Variants in MACROD2 observed in about 807,000 individuals in gnomAD.
MACROD2 encodes ADP-ribose glycohydrolase MACROD2.
In MACROD2, 36 loss-of-function variants were observed where a neutral mutation model predicts 70.4. The observed-to-expected ratio is 0.51, with a 90% confidence interval of 0.39 to 0.68. MACROD2 has a LOEUF of 0.68. MACROD2 is among the 30% of genes least tolerant of loss of function. The pLI is 0.00. For missense variants in MACROD2, 496 were observed against 538.4 expected, an observed-to-expected ratio of 0.92 and a Z score of 0.78; for synonymous variants, 172 against 178.8, an observed-to-expected ratio of 0.96 and a Z score of 0.30.
chr20:15,290,199 G>C (rs567501946), intron 6 of MACROD2, among the ~76,000 whole-genome samples: 1 of 152,260 alleles, frequency 6.6e-6, no homozygotes, highest in African/African-American at 2.4e-5. Flanking sequence ...AATAATCTCT[G>C]GTTGCTTTTG....
intron 5 of MACROD2, among the ~76,000 whole-genome samples, chr20:15,168,427 C>A (rs530793101): frequency 6.7e-6 from 1 of 149,252 alleles, no homozygotes; most frequent in East Asian, 2.0e-4. Context: ...CTCTTCCTCT[C>A]TCCACATTGT....
intron 8 of MACROD2, among the ~76,000 whole-genome samples, chr20:15,642,775 A>ATG (rs1197744863): frequency 2.0e-5 from 3 of 149,144 alleles, no homozygotes; most frequent in African/African-American, 5.1e-5. Flanking sequence ...GTGTGTGTGT[A>ATG]TGTGTGTGTG....
chr20:15,687,301 T>TTATA (rs1281715892), intron 8 of MACROD2, among the ~76,000 whole-genome samples: 1 of 147,294 alleles, frequency 6.8e-6, no homozygotes, highest in Non-Finnish European at 1.5e-5. Context: ...TATATATATT[T>TTATA]TATATATATA....
At chr20:15,888,250 C>T (rs1425436357) in intron 10 of MACROD2, among the ~76,000 whole-genome samples, 1 of 152,092 alleles carries the variant, frequency 6.6e-6, no homozygotes, top group African/African-American at 2.4e-5. Flanking sequence ...TTCCTATACC[C>T]ATGTAGAATG....
At chr20:14,647,407 A>AC (rs1164878330) in intron 4 of MACROD2, among the ~76,000 whole-genome samples, 4 of 152,122 alleles carry the variant, frequency 2.6e-5, no homozygotes, top group African/African-American at 9.7e-5. Flanking sequence ...TTTCTCATTA[A>AC]CCTTGGGGGT....
intron 8 of MACROD2, among the ~76,000 whole-genome samples, chr20:15,680,497 T>A (rs533504619): frequency 6.6e-6 from 1 of 152,028 alleles, no homozygotes; most frequent in South Asian, 2.1e-4. Flanking sequence ...AAGCACAAAA[T>A]TGAGAGAAAA....
intron 8 of MACROD2, among the ~76,000 whole-genome samples, chr20:15,600,397 G>A (rs1040779961): frequency 6.6e-6 from 1 of 152,136 alleles, no homozygotes; most frequent in African/African-American, 2.4e-5. Context: ...TTAATTTCGT[G>A]TTGCTCATTA....
chr20:15,947,202 A>C (rs897061891), intron 12 of MACROD2, among the ~76,000 whole-genome samples: 1 of 152,064 alleles, frequency 6.6e-6, no homozygotes, highest in African/African-American at 2.4e-5. Context: ...CAACTGCAAG[A>C]GGCTTTCCTC....
intron 5 of MACROD2, among the ~76,000 whole-genome samples, chr20:15,042,254 G>C (rs1174182371): frequency 6.6e-6 from 1 of 152,114 alleles, no homozygotes; most frequent in Non-Finnish European, 1.5e-5. Flanking sequence ...GGAAAAAAAA[G>C]GTATAAATCC....
chr20:15,702,957 C>A lies in MACROD2; in HGVS notation c.646-159788C>A, dbSNP rs927415021. 1.1e-4 allele frequency among the ~76,000 whole-genome samples: 16 copies of A among 152,108 alleles called. 1 individual carries two copies. The highest frequency in any genetic ancestry group is 3.6e-4 in the African/African-American group (15 of 41,408). ...AAAACAGACACATAGACTAATGGAA[C>A]AGAATAGAGAACCCAGAAATAAAGC... On this transcript the variant is annotated intron_variant, in intron 8 of 17. Transcript: ENST00000684519.
intron 2 of MACROD2, among the ~76,000 whole-genome samples, chr20:14,017,463 A>G (rs2053010295): frequency 6.6e-6 from 1 of 152,040 alleles, no homozygotes; most frequent in African/African-American, 2.4e-5. Context: ...TTACCTGTGG[A>G]TTTTTCATAT....
rs985089190 is a variant in MACROD2, at chr20:14,177,055, T to A, written c.271+91327T>A. Among the ~76,000 whole-genome samples, 5 of 152,328 alleles carry A rather than the reference T, an allele frequency of 3.3e-5. No homozygotes were observed. The South Asian group carries it at 1.0e-3, about 32-fold the overall frequency. On this transcript the variant is annotated intron_variant, in intron 3 of 17. Transcript: ENST00000684519. Reference sequence around the variant, plus strand: ...GTTGAAAAATAGAGACTTCCCCTCTTTGTATACAAACACTCAACATTATTA... The same window carrying A: ...GTTGAAAAATAGAGACTTCCCCTCTATGTATACAAACACTCAACATTATTA...
At chr20:14,872,448 C>G (rs1470482622) in intron 5 of MACROD2, among the ~76,000 whole-genome samples, 4 of 152,106 alleles carry the variant, frequency 2.6e-5, no homozygotes, top group African/African-American at 9.7e-5. Flanking sequence ...GACAGTTTCT[C>G]TCACATGATG....
At chr20:15,648,717 T>TG (rs1263304867) in intron 8 of MACROD2, among the ~76,000 whole-genome samples, 29 of 148,884 alleles carry the variant, frequency 1.9e-4, no homozygotes, top group Admixed American at 1.7e-3. Flanking sequence ...GGTGGATGGA[T>TG]GGTGGATGGA....
chr20:14,927,595 G>T (rs1056924543), intron 5 of MACROD2, among the ~76,000 whole-genome samples: 1 of 152,166 alleles, frequency 6.6e-6, no homozygotes, highest in Non-Finnish European at 1.5e-5. Flanking sequence ...TGGCTTGGTG[G>T]CTCCACATTC....
intron 5 of MACROD2, among the ~76,000 whole-genome samples, chr20:14,869,980 A>G (rs182199353): frequency 1.2e-4 from 18 of 152,220 alleles, no homozygotes; most frequent in Non-Finnish European, 1.0e-4. Context: ...GTTCAGGGGT[A>G]CATGTGCAAG....
chr20:15,872,494 A>G (rs2064600271), intron 9 of MACROD2, among the ~76,000 whole-genome samples: 1 of 152,158 alleles, frequency 6.6e-6, no homozygotes, highest in African/African-American at 2.4e-5. Context: ...CCACCTTAAC[A>G]CTGTGTGGCT....
intron 5 of MACROD2, among the ~76,000 whole-genome samples, chr20:14,802,095 C>T (rs1236107139): frequency 1.3e-5 from 2 of 151,972 alleles, no homozygotes; most frequent in South Asian, 2.1e-4. Flanking sequence ...CATCTCGGCC[C>T]ATCATCAAAT....
At chr20:14,700,947 T>C (rs1156482187) in intron 5 of MACROD2, among the ~76,000 whole-genome samples, 1 of 152,052 alleles carries the variant, frequency 6.6e-6, no homozygotes, top group East Asian at 1.9e-4. Context: ...CAGTTTGTAG[T>C]AATGGGTTCT....
Sources: allele counts gnomAD v4.1 joint callset (sites outside exome capture counted in the v4.1 genomes callset), GRCh38; gene constraint gnomAD v4.1.1; transcripts MANE v1.5; gene names NCBI Gene and HGNC (gene_info 2026-07-23, HGNC 2026-07-21).